Variants in STK38L observed in about 807,000 individuals in gnomAD.
STK38L encodes the protein serine/threonine kinase 38 like, also known as serine/threonine-protein kinase 38-like.
In STK38L, 28 loss-of-function variants were observed where a neutral mutation model predicts 59.7. The ratio of observed to expected loss-of-function variants is 0.47; its 90% CI spans 0.35 to 0.64. The LOEUF (loss-of-function observed/expected upper bound fraction) is 0.64. STK38L is among the 30% of genes least tolerant of loss of function. The probability of loss-of-function intolerance (pLI) is 0.01; values close to 1 mark genes in which losing one functional copy is unlikely to be tolerated. For missense variants in STK38L, 314 were observed against 555.8 expected (o/e 0.56, Z 4.37); for synonymous variants, 162 against 176.8 (o/e 0.92, Z 0.66).
intron 1 of STK38L, among the ~76,000 whole-genome samples, chr12:27,274,887 C>T (rs1378942778): frequency 6.6e-6 from 1 of 152,162 alleles, no homozygotes; most frequent in East Asian, 1.9e-4. Flanking sequence ...CTCCGCTAAC[C>T]CTGCCCCAGT....
chr12:27,318,064 TC>T (rs780444098), intron 11 of STK38L, 45 bp downstream of exon 11: 134 of 1,607,064 alleles, frequency 8.3e-5, no homozygotes, highest in Admixed American at 1.0e-4. Context: ...TCTTAAAACT[TC>T]CTAAGAACCT....
intron 1 of STK38L, among the ~76,000 whole-genome samples, chr12:27,283,941 C>G (rs1943714236): frequency 6.6e-6 from 1 of 152,178 alleles, no homozygotes; most frequent in South Asian, 2.1e-4. Context: ...GAGTCCCAGA[C>G]TAAATCTACA....
rs775117342 is a variant in STK38L, at chr12:27,325,534, C to T, written c.*3079C>T. 2.0e-5 allele frequency: 3 copies of T among 152,146 alleles called. No individual in the cohort carries two copies. The highest frequency in any genetic ancestry group is 2.9e-5 in the Non-Finnish European group (2 of 68,000). 9.4% of individuals were successfully genotyped at this position (152,146 alleles called of 1,614,324 possible). A position where few individuals can be genotyped will look rare whatever the true frequency, so the allele number is the denominator to read the frequency against. On this transcript the variant is annotated 3_prime_UTR_variant, in exon 14 of 14. Coordinates refer to ENST00000389032, the MANE Select transcript of STK38L (RefSeq NM_015000.4). The stretch of plus-strand genomic sequence containing the variant: ...TCCATAGAGGTCCCTGGCTACCAAA[C>T]ACATTCTCCTTTGAATTGTTAAAAT...
chr12:27,303,981 G>A (rs1423710289), intron 3 of STK38L, among the ~76,000 whole-genome samples: 1 of 152,164 alleles, frequency 6.6e-6, no homozygotes, highest in Non-Finnish European at 1.5e-5. Context: ...AGTTTAACAT[G>A]CTGAGTGCAG....
rs149328570 is a variant in STK38L, at chr12:27,317,431, G to A, written c.933G>A (p.Val311=). 511 of 1,610,544 alleles carry A rather than the reference G, an allele frequency of 3.2e-4. 3 individuals carry two copies. Among genetic ancestry groups the A allele is most frequent in the South Asian group, 6.0e-4 (54 of 90,434 alleles). ...NKLCDWWSLG[V]IMYEMLIGYP... ...TGTGTGACTGGTGGTCTTTGGGAGTGATTATGTATGAAATGCTAATAGGTA... is the reference window on the plus strand; with the variant it reads ...TGTGTGACTGGTGGTCTTTGGGAGTAATTATGTATGAAATGCTAATAGGTA... Residue 311 remains valine (V), a synonymous_variant, in exon 10 of 14, where the codon GTG becomes GTA. Transcript: ENST00000389032.
intron 1 of STK38L, among the ~76,000 whole-genome samples, chr12:27,245,452 C>G (rs1455103249): frequency 1.3e-5 from 2 of 152,116 alleles, no homozygotes; most frequent in African/African-American, 4.8e-5. Context: ...TACGTTTGAC[C>G]GGTCTCTCTA....
intron 1 of STK38L, among the ~76,000 whole-genome samples, chr12:27,279,416 T>C (rs886800795): frequency 6.6e-6 from 1 of 152,166 alleles, no homozygotes; most frequent in African/African-American, 2.4e-5. Flanking sequence ...ACACATTTTT[T>C]CCCTTAGTTT....
At chr12:27,247,482 G>A (rs957722060) in intron 1 of STK38L, among the ~76,000 whole-genome samples, 1 of 152,118 alleles carries the variant, frequency 6.6e-6, no homozygotes, top group Non-Finnish European at 1.5e-5. Flanking sequence ...AAGTAAATGA[G>A]TTATTTTTGA....
intron 3 of STK38L, among the ~76,000 whole-genome samples, chr12:27,307,526 T>C (rs1944346934): frequency 6.6e-6 from 1 of 152,210 alleles, no homozygotes; most frequent in Admixed American, 6.5e-5. Context: ...CAGGATTCAG[T>C]TGAAGATGAA....
At chr12:27,267,264 A>G (rs1296729535) in intron 1 of STK38L, among the ~76,000 whole-genome samples, 1 of 152,186 alleles carries the variant, frequency 6.6e-6, no homozygotes, top group Non-Finnish European at 1.5e-5. Flanking sequence ...AAAATGAAAC[A>G]TCAAAGTATC....
rs1944382098 is a variant in STK38L, at chr12:27,308,869, A to AATGTAAAT, written c.310-243_310-242insGTAAATAT. On this transcript the variant is annotated intron_variant, in intron 4 of 13. Coordinates refer to ENST00000389032, the MANE Select transcript of STK38L (RefSeq NM_015000.4). This position sits in a 1 kb window ranked among gnomAD's most constrained non-coding sequence, Gnocchi z 4.5. Reference sequence around the variant, plus strand: ...ATGTATATATAAAAAAATATATATAAATATAAATATATATAAATGTAAATA... The same window carrying AATGTAAAT: ...ATGTATATATAAAAAAATATATATAAATGTAAATATATAAATATATATAAATGTAAATA... Among the ~76,000 whole-genome samples, 4 of 126,728 alleles carry AATGTAAAT rather than the reference A, an allele frequency of 3.2e-5. No homozygotes were observed. The highest frequency in any genetic ancestry group is 5.6e-5 in the Non-Finnish European group (3 of 53,238). 83.1% of individuals were successfully genotyped at this position (126,728 alleles called of 152,430 possible). A position where few individuals can be genotyped will look rare whatever the true frequency, so the allele number is the denominator to read the frequency against.
chr12:27,297,965 C>A, intron 2 of STK38L, 111 bp downstream of exon 2: 1 of 1,376,314 alleles, frequency 7.3e-7, no homozygotes. Flanking sequence ...TCCCTGCATG[C>A]TGTTTTTGAG....
rs759405089 is a variant in STK38L, at chr12:27,315,003, AT to A, written c.673-3del. 561 of 1,534,604 alleles carry A rather than the reference AT, an allele frequency of 3.7e-4. No homozygotes were observed. Among genetic ancestry groups the A allele is most frequent in the Admixed American group, 8.0e-4 (44 of 55,058 alleles). On this transcript the variant is annotated splice_polypyrimidine_tract_variant and intron_variant, in intron 7 of 13. Transcript: ENST00000389032. ...AGTTAATATGATCTAATTTTACTGG[AT>A]TTTTTTTTAGGGTCATGTAAAATTA...
In STK38L at chr12:27,308,918, TAA is replaced by T. The variant is rs946759259; in HGVS notation, c.310-195_310-194del. Among the ~76,000 whole-genome samples, 1 of 144,690 alleles carries T rather than the reference TAA, an allele frequency of 6.9e-6. No homozygotes were observed. The highest frequency in any genetic ancestry group is 1.5e-5 in the Non-Finnish European group (1 of 66,410). 94.9% of individuals were successfully genotyped at this position (144,690 alleles called of 152,430 possible). ...TATATAAATATATATAAATATATAT[TAA>T]TATATATAAAATATATATAAATATA... On this transcript the variant is annotated intron_variant, in intron 4 of 13. Coordinates refer to ENST00000389032, the MANE Select transcript of STK38L (RefSeq NM_015000.4). This position sits in a 1 kb window ranked among gnomAD's most constrained non-coding sequence, Gnocchi z 4.5.
In STK38L at chr12:27,287,627, G is replaced by A. The variant is rs191035048; in HGVS notation, c.-11-10083G>A. On this transcript the variant is annotated intron_variant, in intron 1 of 13. Coordinates refer to ENST00000389032, the MANE Select transcript of STK38L (RefSeq NM_015000.4). ...TATATTTTCCTCTAATTTTTTTGAA[G>A]TTTAATTTTTTTTAACTTTTATTTC... is the stretch of plus-strand genomic sequence containing the variant. Among the ~76,000 whole-genome samples the A allele has an allele frequency of 2.0e-5, 3 of 152,086 alleles. No individual in the cohort carries two copies. In the South Asian group the frequency reaches 6.2e-4, roughly 32 times the overall value.
Position 27,322,241 on chromosome 12 carries a change from C to T in STK38L, c.1267+7C>T. ...TCTGATATTTTACAACCAGGTAAGA[C>T]AATCTGTAATGTAACTAACCCTATT... On this transcript the variant is annotated splice_region_variant and intron_variant, in intron 13 of 13. Coordinates refer to ENST00000389032, the MANE Select transcript of STK38L (RefSeq NM_015000.4). 6.2e-7 allele frequency: 1 copy of T among 1,613,646 alleles called. No individual in the cohort carries two copies. Among genetic ancestry groups the T allele is most frequent in the African/African-American group, 1.3e-5 (1 of 75,016 alleles).
chr12:27,306,557 TA>T (rs1442970765), intron 3 of STK38L, among the ~76,000 whole-genome samples: 1 of 152,128 alleles, frequency 6.6e-6, no homozygotes, highest in Non-Finnish European at 1.5e-5. Flanking sequence ...TGCATTTAGG[TA>T]AAAAGCAGCA....
chr12:27,269,322 TTC>T, intron 1 of STK38L, among the ~76,000 whole-genome samples: 1 of 152,324 alleles, frequency 6.6e-6, no homozygotes, highest in African/African-American at 2.4e-5. Flanking sequence ...GGGATCCAGT[TTC>T]AGCTTTCTAT....
intron 1 of STK38L, among the ~76,000 whole-genome samples, chr12:27,277,491 G>T (rs567503323): frequency 6.6e-6 from 1 of 151,904 alleles, no homozygotes; most frequent in African/African-American, 2.4e-5. Flanking sequence ...TAGTGAAACC[G>T]CCTTAAAACC....
Sources: allele counts gnomAD v4.1 joint callset (sites outside exome capture counted in the v4.1 genomes callset), GRCh38; gene constraint gnomAD v4.1.1; non-coding constraint Gnocchi (gnomAD v3.1); transcripts MANE v1.5; gene names NCBI Gene and HGNC (gene_info 2026-07-23, HGNC 2026-07-21).